PTPRD: variants seen among roughly 807,000 people sequenced by gnomAD.
The protein encoded by PTPRD is receptor-type tyrosine-protein phosphatase delta.
A neutral mutation model predicts 214.5 loss-of-function variants in PTPRD; 34 were observed. The ratio of observed to expected loss-of-function variants is 0.16; its 90% CI spans 0.12 to 0.21. The LOEUF (loss-of-function observed/expected upper bound fraction) is 0.21. Ranked by LOEUF, PTPRD falls within the 10% of genes least tolerant of loss-of-function variation. The probability of loss-of-function intolerance (pLI) is 1.00; values close to 1 mark genes in which losing one functional copy is unlikely to be tolerated. For missense variants in PTPRD, 2,545 were observed against 2,398.7 expected (o/e 1.06, Z -1.27); for synonymous variants, 1,128 against 845.7 (o/e 1.33, Z -5.79).
chr9:9,078,446 G>T (rs1272595124), intron 10 of PTPRD, among the ~76,000 whole-genome samples: 1 of 152,092 alleles, frequency 6.6e-6, no homozygotes, highest in Non-Finnish European at 1.5e-5. Context: ...TATGAGGCAT[G>T]CTGTGGCTTC....
At chr9:9,618,269 T>A (rs1347300747) in intron 7 of PTPRD, among the ~76,000 whole-genome samples, 1 of 151,672 alleles carries the variant, frequency 6.6e-6, no homozygotes, top group Non-Finnish European at 1.5e-5. Flanking sequence ...TACTAACCCT[T>A]CCGGGAAGAC....
At position 8,748,522 on chromosome 9, in the gene PTPRD, C is replaced by CAA. The variant is rs1239091825; in HGVS notation, c.-103-14578_-103-14577dup. On this transcript the variant is annotated intron_variant, in intron 11 of 45. Coordinates refer to ENST00000381196, the MANE Select transcript of PTPRD (RefSeq NM_002839.4). ...TTCACTCTATTAAATCCTGCAACTG[C>CAA]AAAAAAAAAAAAAAAAAAGAAAAAG... Among the ~76,000 whole-genome samples the CAA allele has an allele frequency of 1.1e-3, 42 of 37,856 alleles. 2 individuals carry two copies. Among genetic ancestry groups the CAA allele is most frequent in the South Asian group, 1.8e-3 (1 of 548 alleles). The allele number at this position is 37,856 out of a possible 152,430, so 24.8% of individuals were successfully genotyped here. A position where few individuals can be genotyped will look rare whatever the true frequency, so the allele number is the denominator to read the frequency against.
chr9:8,876,258 G>A (rs141541866), intron 11 of PTPRD, among the ~76,000 whole-genome samples: 1 of 141,048 alleles, frequency 7.1e-6, no homozygotes, highest in African/African-American at 2.6e-5. Flanking sequence ...CAGCTCATGA[G>A]ACATAGCTGT....
intron 3 of PTPRD, among the ~76,000 whole-genome samples, chr9:10,307,278 A>G (rs2096110106): frequency 6.6e-6 from 1 of 152,116 alleles, no homozygotes; most frequent in African/African-American, 2.4e-5. Context: ...TGCTACCTCC[A>G]TGAAATAAAC....
At chr9:9,434,434 G>T (rs762682108) in intron 8 of PTPRD, among the ~76,000 whole-genome samples, 1 of 152,120 alleles carries the variant, frequency 6.6e-6, no homozygotes, top group Non-Finnish European at 1.5e-5. Flanking sequence ...AAATGGCTAC[G>T]CTGCCCAAAG....
At chr9:10,358,510 CT>C (rs535300436) in intron 2 of PTPRD, among the ~76,000 whole-genome samples, 51 of 151,834 alleles carry the variant, frequency 3.4e-4, no homozygotes, top group African/African-American at 1.2e-3. Context: ...ATTTATGAAA[CT>C]TTTTTATTAA....
At chr9:10,192,445 GAAAA>G (rs552289562) in intron 3 of PTPRD, among the ~76,000 whole-genome samples, 17 of 72,658 alleles carry the variant, frequency 2.3e-4, no homozygotes, top group Middle Eastern at 7.2e-3. Context: ...CACGATCCAG[GAAAA>G]AAAAAAAAAA....
chr9:9,881,185 G>A (rs1184464703), intron 5 of PTPRD, among the ~76,000 whole-genome samples: 3 of 151,766 alleles, frequency 2.0e-5, no homozygotes, highest in African/African-American at 7.3e-5. Flanking sequence ...TTTTTTAATT[G>A]GCTAACACTG....
intron 3 of PTPRD, among the ~76,000 whole-genome samples, chr9:10,122,895 C>A (rs976995132): frequency 2.8e-4 from 42 of 152,188 alleles, no homozygotes; most frequent in African/African-American, 9.4e-4. Flanking sequence ...ATTTCCTTGA[C>A]AGAGGCAGCC....
At chr9:9,626,471 C>T (rs1052611458) in intron 7 of PTPRD, among the ~76,000 whole-genome samples, 4 of 152,014 alleles carry the variant, frequency 2.6e-5, no homozygotes, top group Non-Finnish European at 5.9e-5. Context: ...GGGGGAAAAT[C>T]GATCTCAAAT....
At chr9:10,453,002 G>A (rs1049870691) in intron 2 of PTPRD, among the ~76,000 whole-genome samples, 1 of 151,532 alleles carries the variant, frequency 6.6e-6, no homozygotes, top group Admixed American at 6.6e-5. Context: ...TGATTTTTGT[G>A]TGTGGTATGA....
At chr9:9,679,025 C>A (rs1453854450) in intron 7 of PTPRD, among the ~76,000 whole-genome samples, 1 of 150,458 alleles carries the variant, frequency 6.6e-6, no homozygotes, top group Non-Finnish European at 1.5e-5. Context: ...GGGTTAAATG[C>A]ATACAATATA....
At chr9:8,795,560 C>A (rs1425861105) in intron 11 of PTPRD, among the ~76,000 whole-genome samples, 1 of 152,212 alleles carries the variant, frequency 6.6e-6, no homozygotes, top group South Asian at 2.1e-4. Flanking sequence ...ACCAATACCA[C>A]AGTCACTGGA....
chr9:10,420,411 C>T (rs1465147190), intron 2 of PTPRD, among the ~76,000 whole-genome samples: 3 of 151,818 alleles, frequency 2.0e-5, no homozygotes, highest in South Asian at 2.1e-4. Flanking sequence ...TTCACCTTGA[C>T]TTAGAGATTA....
At chr9:9,084,936 C>A (rs1212459879) in intron 10 of PTPRD, among the ~76,000 whole-genome samples, 1 of 152,088 alleles carries the variant, frequency 6.6e-6, no homozygotes, top group Non-Finnish European at 1.5e-5. Flanking sequence ...ATGAAGAAAA[C>A]TTTTCATCAA....
At chr9:10,372,806 C>T (rs1298205022) in intron 2 of PTPRD, among the ~76,000 whole-genome samples, 2 of 146,724 alleles carry the variant, frequency 1.4e-5, no homozygotes, top group Non-Finnish European at 3.0e-5. Context: ...AAAGGTAGAA[C>T]CAAAAGTATG....
At chr9:9,410,418 T>G (rs2075018789) in intron 8 of PTPRD, among the ~76,000 whole-genome samples, 1 of 152,244 alleles carries the variant, frequency 6.6e-6, no homozygotes, top group Non-Finnish European at 1.5e-5. Flanking sequence ...TTTCATCTTT[T>G]TGTTTCCTAT....
chr9:9,672,985 T>G, intron 7 of PTPRD, among the ~76,000 whole-genome samples: 1 of 152,016 alleles, frequency 6.6e-6, no homozygotes, highest in East Asian at 1.9e-4. Context: ...GACAGACACA[T>G]AGACCTTGAT....
At chr9:8,860,575 G>C (rs879880511) in intron 11 of PTPRD, 1 of 152,146 alleles carries the variant, frequency 6.6e-6, no homozygotes, top group Non-Finnish European at 1.5e-5. Context: ...AGAAGCCAAA[G>C]TTTCTCTGCA....
Sources: allele counts gnomAD v4.1 joint callset (sites outside exome capture counted in the v4.1 genomes callset), GRCh38; gene constraint gnomAD v4.1.1; transcripts MANE v1.5; gene names NCBI Gene and HGNC (gene_info 2026-07-23, HGNC 2026-07-21).